The following ZNF638 variants were observed in gnomAD, a reference collection of about 807,000 sequenced individuals.
The protein encoded by ZNF638 is CTCL tumor antigen se33-1.
ZNF638 carries 46 observed loss-of-function variants against 195.6 expected under a neutral mutation model. The ratio of observed to expected loss-of-function variants is 0.24; its 90% confidence interval spans 0.19 to 0.30. ZNF638 has a LOEUF of 0.30. Among genes scored for constraint, ZNF638 ranks in the 10% least tolerant of loss-of-function variants. ZNF638 has a pLI of 1.00. For synonymous variants in ZNF638, 845 were observed against 772.0 expected (o/e 1.09, Z -1.57); for missense variants, 2,440 against 2,325.3 (o/e 1.05, Z -1.01).
At chr2:71,360,323 C>A (rs1172249345) in intron 3 of ZNF638, among the ~76,000 whole-genome samples, 1 of 152,164 alleles carries the variant, frequency 6.6e-6, no homozygotes. Flanking sequence ...CTAAATTCAG[C>A]ATGTATCTCC....
intron 3 of ZNF638, 68 bp from the exon 4 acceptor site, chr2:71,363,085 G>T: frequency 8.8e-7 from 1 of 1,137,334 alleles, no homozygotes; most frequent in South Asian, 1.4e-5. Context: ...ATATATTACA[G>T]GTAAAGATTA....
chr2:71,428,809 CT>C, intron 25 of ZNF638, 158 bp downstream of exon 25: 1 of 560,148 alleles, frequency 1.8e-6, no homozygotes, highest in East Asian at 2.9e-5. Context: ...ACATTTTGAT[CT>C]TTGTAATGTA....
intron 10 of ZNF638, among the ~76,000 whole-genome samples, chr2:71,384,425 A>G (rs1228743257): frequency 6.6e-6 from 1 of 152,208 alleles, no homozygotes; most frequent in Non-Finnish European, 1.5e-5. Flanking sequence ...TTTTGAACCT[A>G]TTAACAGTCA....
intron 8 of ZNF638, among the ~76,000 whole-genome samples, chr2:71,378,664 A>G (rs1573080162): frequency 6.6e-6 from 1 of 152,322 alleles, no homozygotes; most frequent in East Asian, 1.9e-4. Flanking sequence ...GTAAAAAAAA[A>G]TTAGGAAAGG....
rs182361329 is a variant in ZNF638 at position 71,381,087 on chromosome 2, A to G, written c.2377+522A>G. Among the ~76,000 whole-genome samples, 141 of 152,286 alleles carry G rather than the reference A, an allele frequency of 9.3e-4. 3 individuals are homozygous for G. Among genetic ancestry groups the G allele is most frequent in the Admixed American group, 9.1e-3 (140 of 15,302 alleles). On this transcript the variant is annotated intron_variant, in intron 10 of 27. Transcript: ENST00000264447. ...ATCCAGTTAAATAAATTTTGCATACAGTTTTATAATCCGGGTTCTCCTTTT... is the reference window on the plus strand; with the variant it reads ...ATCCAGTTAAATAAATTTTGCATACGGTTTTATAATCCGGGTTCTCCTTTT...
rs1201112432 is a variant in ZNF638 at position 71,352,486 on chromosome 2, TAAAAAAAATAAAAA to T, written c.1317+2224_1317+2237del. On this transcript the variant is annotated intron_variant, in intron 2 of 27. Coordinates refer to ENST00000264447, the MANE Select transcript of ZNF638 (RefSeq NM_014497.5). ...GAGCGAGACTCCATCTCAAAAAAAA[TAAAAAAAATAAAAA>T]AAAAAAAAAAGAAGAGGAGGGTTGG... Among the ~76,000 whole-genome samples the T allele has an allele frequency of 4.0e-4, 8 of 19,854 alleles. No individual in the cohort carries two copies. In the East Asian group the frequency reaches 7.7e-3, roughly 19 times the overall value. The allele number at this position is 19,854 out of a possible 152,430, so 13.0% of individuals were successfully genotyped here. A position where few individuals can be genotyped will look rare whatever the true frequency, so the allele number is the denominator to read the frequency against.
chr2:71,373,299 ATTATTG>A (rs1457874403), intron 8 of ZNF638, among the ~76,000 whole-genome samples: 1 of 73,914 alleles, frequency 1.4e-5, no homozygotes, highest in African/African-American at 9.6e-5. Flanking sequence ...TTCCTATTTT[ATTATTG>A]TTGTCTTTTT....
chr2:71,418,735 G>C, intron 21 of ZNF638, 96 bp downstream of exon 21: 3 of 841,346 alleles, frequency 3.6e-6, no homozygotes, highest in South Asian at 5.2e-5. Flanking sequence ...GTAGTGAAAA[G>C]TTCTTTTCTG....
Position 71,431,226 on chromosome 2 carries a change from A to G in ZNF638, c.5651-101A>G, listed in dbSNP as rs937319348. Reference sequence around the variant, plus strand: ...ATGGCCAGATGGGATTAACAAAGGGAGGTTTTCCCTGAGAAAGAAAAAGGT... The same window carrying G: ...ATGGCCAGATGGGATTAACAAAGGGGGGTTTTCCCTGAGAAAGAAAAAGGT... On this transcript the variant is annotated intron_variant, in intron 25 of 27. Coordinates refer to ENST00000264447, the MANE Select transcript of ZNF638 (RefSeq NM_014497.5). The G allele has an allele frequency of 4.3e-6, 4 of 941,142 alleles. No individual in the cohort carries two copies. The African/African-American group carries it at 5.0e-5, about 12-fold the overall frequency. 58.3% of individuals were successfully genotyped at this position (941,142 alleles called of 1,614,324 possible). A position where few individuals can be genotyped will look rare whatever the true frequency, so the allele number is the denominator to read the frequency against.
chr2:71,373,670 G>A (rs1331966110), intron 8 of ZNF638, among the ~76,000 whole-genome samples: 7 of 151,652 alleles, frequency 4.6e-5, no homozygotes, highest in Non-Finnish European at 8.8e-5. Flanking sequence ...CGTCCGCCTC[G>A]GCCTCTGAAA....
intron 3 of ZNF638, among the ~76,000 whole-genome samples, chr2:71,356,586 T>G (rs919824737): frequency 6.6e-6 from 1 of 151,984 alleles, no homozygotes; most frequent in Non-Finnish European, 1.5e-5. Context: ...AGCTCAGGAG[T>G]TCAGCCTGGC....
intron 10 of ZNF638, among the ~76,000 whole-genome samples, chr2:71,391,044 A>T (rs187120637): frequency 6.6e-6 from 1 of 152,254 alleles, no homozygotes; most frequent in African/African-American, 2.4e-5. Context: ...CTTTAAAGGG[A>T]GGGAAATAAC....
chr2:71,347,460 A>G (rs2078869566), intron 1 of ZNF638, among the ~76,000 whole-genome samples: 1 of 152,224 alleles, frequency 6.6e-6, no homozygotes. Context: ...AGAAAAGTGT[A>G]TAGTAAAGTA....
At chr2:71,419,057 A>G (rs2080365557) in intron 21 of ZNF638, among the ~76,000 whole-genome samples, 1 of 152,176 alleles carries the variant, frequency 6.6e-6, no homozygotes, top group Non-Finnish European at 1.5e-5. Flanking sequence ...GATACTTTTT[A>G]AAAACAACTG....
intron 12 of ZNF638, among the ~76,000 whole-genome samples, chr2:71,399,294 C>CGT (rs1172779926): frequency 6.6e-6 from 1 of 151,920 alleles, no homozygotes; most frequent in Non-Finnish European, 1.5e-5. Context: ...ATTATTTTTG[C>CGT]GTGTGTGTGA....
intron 10 of ZNF638, among the ~76,000 whole-genome samples, chr2:71,389,955 G>A (rs796965846): frequency 6.6e-6 from 1 of 152,154 alleles, no homozygotes; most frequent in East Asian, 1.9e-4. Flanking sequence ...AACACACAAA[G>A]CCAAAATATT....
At position 71,431,354 on chromosome 2, in the gene ZNF638, C is replaced by T; in HGVS notation, c.5678C>T (p.Ser1893Leu). 1.2e-6 allele frequency: 2 copies of T among 1,613,822 alleles called. No homozygotes were observed. The highest frequency in any genetic ancestry group is 1.7e-6 in the Non-Finnish European group (2 of 1,179,752). Reference protein sequence around the residue: ...EVDEESGLKDSEPERKRKKTE... With the variant: ...EVDEESGLKDLEPERKRKKTE... ...GATGAGGAATCTGGATTAAAGGATTCAGAACCAGAGCGAAAACGCAAGAAG... is the reference window on the plus strand; with the variant it reads ...GATGAGGAATCTGGATTAAAGGATTTAGAACCAGAGCGAAAACGCAAGAAG... The change falls in exon 26 of 28, where the codon TCA becomes TTA. Residue 1893 changes from serine (S) to leucine (L), a missense_variant. Ser to Leu is a moderately radical substitution (Grantham distance 145). This residue lies in a region of ZNF638 where 1,883 missense variants were observed against 1,739.1 expected (regional missense o/e 1.08). Coordinates refer to ENST00000264447, the MANE Select transcript of ZNF638 (RefSeq NM_014497.5).
At chr2:71,370,683 A>G (rs1178599633) in intron 8 of ZNF638, among the ~76,000 whole-genome samples, 2 of 152,044 alleles carry the variant, frequency 1.3e-5, no homozygotes, top group Non-Finnish European at 2.9e-5. Context: ...AAAAAAAATT[A>G]TTGTATTTTT....
chr2:71,356,101 C>G (rs566479688), intron 3 of ZNF638, among the ~76,000 whole-genome samples: 107 of 152,312 alleles, frequency 7.0e-4, no homozygotes, highest in African/African-American at 2.3e-3. Context: ...CCTATCTCCA[C>G]CTCTTCCCAT....
Sources: allele counts gnomAD v4.1 joint callset (sites outside exome capture counted in the v4.1 genomes callset), GRCh38; gene constraint gnomAD v4.1.1; regional missense constraint gnomAD v4.1.1; transcripts MANE v1.5; gene names NCBI Gene and HGNC (gene_info 2026-07-23, HGNC 2026-07-21).